GNG7: variants seen among roughly 807,000 people sequenced by gnomAD.
GNG7 encodes the protein guanine nucleotide-binding protein G(I)/G(S)/G(O) subunit gamma-7.
A neutral mutation model predicts 4.0 loss-of-function variants in GNG7; 1 was observed. That is an observed-to-expected ratio of 0.25 (90% confidence interval 0.09 to 1.18). The LOEUF (loss-of-function observed/expected upper bound fraction) is 1.18, where lower values mean the gene tolerates loss of function less well. Ranked by LOEUF, GNG7 falls within the 50% of genes most tolerant of loss-of-function variation. GNG7 has a pLI of 0.50. For synonymous variants in GNG7, 34 were observed against 36.9 expected, an observed-to-expected ratio of 0.92 and a Z score of 0.29; for missense variants, 86 against 91.9, an observed-to-expected ratio of 0.94 and a Z score of 0.26.
intron 1 of GNG7, among the ~76,000 whole-genome samples, chr19:2,657,361 AATATATATATATATATATAT>A (rs869231931): frequency 6.1e-5 from 1 of 16,340 alleles, no homozygotes. Flanking sequence ...AAAAAAAAAA[AATATATATATATATATATAT>A]ATATATATAT....
At chr19:2,553,890 T>C (rs1446012613) in intron 3 of GNG7, among the ~76,000 whole-genome samples, 1 of 146,122 alleles carries the variant, frequency 6.8e-6, no homozygotes, top group Non-Finnish European at 1.5e-5. Context: ...GTACATATTC[T>C]ATGTAATATT....
At chr19:2,659,227 C>T (rs547301058) in intron 1 of GNG7, among the ~76,000 whole-genome samples, 19 of 151,748 alleles carry the variant, frequency 1.3e-4, no homozygotes, top group African/African-American at 4.1e-4. Context: ...CCTTGGCCTC[C>T]CAAAGTCCTG....
Position 2,512,939 on chromosome 19 carries a change from A to G in GNG7, c.*2083T>C, listed in dbSNP as rs909846968. 8.1e-6 allele frequency: 8 copies of G among 985,206 alleles called. No homozygotes were observed. Among genetic ancestry groups the G allele is most frequent in the Non-Finnish European group, 4.8e-6 (4 of 829,928 alleles). 61.0% of individuals were successfully genotyped at this position (985,206 alleles called of 1,614,324 possible). A position where few individuals can be genotyped will look rare whatever the true frequency, so the allele number is the denominator to read the frequency against. The stretch of plus-strand genomic sequence containing the variant: ...CCAAACCCTGCCGGCTCCCAGCCCA[A>G]CCACAGGAGGCTGCAGTCTCCGGGA... On this transcript the variant is annotated 3_prime_UTR_variant, in exon 5 of 5. Coordinates refer to ENST00000382159, the MANE Select transcript of GNG7 (RefSeq NM_052847.3). This position sits in a 1 kb window ranked among gnomAD's most constrained non-coding sequence, Gnocchi z 4.7.
chr19:2,583,847 G>A lies in GNG7; in HGVS notation c.-77-28659C>T, dbSNP rs186274242. Among the ~76,000 whole-genome samples the A allele has an allele frequency of 2.1e-4, 32 of 152,060 alleles. No homozygotes were observed. In the South Asian group the frequency reaches 3.1e-3, roughly 15 times the overall value. On this transcript the variant is annotated intron_variant, in intron 2 of 4. Transcript: ENST00000382159. ...CTTAACATTCACTAAAAAGGATGTC[G>A]CAAATCCATATTTGATAATGTGGAA...
chr19:2,587,309 C>T (rs115633724), intron 2 of GNG7, among the ~76,000 whole-genome samples: 3,186 of 152,268 alleles, frequency 0.021, 36 homozygotes, highest in Middle Eastern at 0.034. Context: ...CCTGTCCCTC[C>T]GACCTCACCT....
chr19:2,520,403 G>A (rs1046257482), intron 4 of GNG7, among the ~76,000 whole-genome samples: 21 of 152,292 alleles, frequency 1.4e-4, no homozygotes, highest in African/African-American at 4.6e-4. Flanking sequence ...ATTGCTGCAC[G>A]AAGGCAGGAG....
chr19:2,549,498 C>A (rs1979247507), intron 3 of GNG7, among the ~76,000 whole-genome samples: 1 of 152,068 alleles, frequency 6.6e-6, no homozygotes, highest in Admixed American at 6.6e-5. Context: ...ACTATCTTGG[C>A]CAGGCTGGTC....
chr19:2,595,158 C>T (rs1288373477), intron 2 of GNG7: 1 of 147,852 alleles, frequency 6.8e-6, no homozygotes, highest in Non-Finnish European at 1.5e-5. Context: ...GACGGAGTCT[C>T]ACTCTGTTGC....
intron 1 of GNG7, among the ~76,000 whole-genome samples, chr19:2,697,785 G>A (rs56052536): frequency 2.4e-4 from 33 of 139,956 alleles, no homozygotes; most frequent in Non-Finnish European, 4.2e-4. Flanking sequence ...TGAGGGCCCC[G>A]TCCCCCCCCC....
chr19:2,648,054 C>T (rs906633468), intron 1 of GNG7, among the ~76,000 whole-genome samples: 7 of 137,064 alleles, frequency 5.1e-5, no homozygotes, highest in Non-Finnish European at 1.1e-4. Flanking sequence ...AAAAAAGCCA[C>T]TTGGGATCCA....
intron 2 of GNG7, among the ~76,000 whole-genome samples, chr19:2,602,558 G>C (rs570983107): frequency 1.3e-5 from 2 of 152,386 alleles, no homozygotes; most frequent in East Asian, 3.8e-4. Flanking sequence ...AGGCAGATCT[G>C]TGGCCTCGCA....
intron 2 of GNG7, among the ~76,000 whole-genome samples, chr19:2,559,552 G>A (rs1979672346): frequency 6.6e-6 from 1 of 151,546 alleles, no homozygotes; most frequent in Non-Finnish European, 1.5e-5. Flanking sequence ...TTTGGCTCTT[G>A]TTGCCCAGGC....
rs1979587149 is a variant in GNG7 at position 2,557,254 on chromosome 19, C to CGTGCACACACAT, written c.-77-2078_-77-2067dup. Among the ~76,000 whole-genome samples the CGTGCACACACAT allele has an allele frequency of 6.6e-6, 1 of 151,074 alleles. No individual in the cohort carries two copies. Among genetic ancestry groups the CGTGCACACACAT allele is most frequent in the Non-Finnish European group, 1.5e-5 (1 of 67,912 alleles). On this transcript the variant is annotated intron_variant, in intron 2 of 4. Coordinates refer to ENST00000382159, the MANE Select transcript of GNG7 (RefSeq NM_052847.3). The surrounding 1 kb of genome is among the most constrained non-coding windows in gnomAD (Gnocchi z 5.1). ...ACACAGACGCACATGTGCACACACA[C>CGTGCACACACAT]GTGCACACACATTTGCACACACAGA... is the stretch of plus-strand genomic sequence containing the variant.
intron 3 of GNG7, among the ~76,000 whole-genome samples, chr19:2,539,090 A>T (rs1196977155): frequency 6.6e-6 from 1 of 152,138 alleles, no homozygotes; most frequent in Non-Finnish European, 1.5e-5. Flanking sequence ...TAAATAAATT[A>T]TAATAAACTG....
chr19:2,520,993 C>T (rs923277250), intron 3 of GNG7, among the ~76,000 whole-genome samples: 2 of 151,966 alleles, frequency 1.3e-5, no homozygotes, highest in Non-Finnish European at 2.9e-5. Context: ...TGGTGGCTCA[C>T]GCCTGTAATC....
At chr19:2,581,766 T>G (rs1980512252) in intron 2 of GNG7, among the ~76,000 whole-genome samples, 1 of 152,188 alleles carries the variant, frequency 6.6e-6, no homozygotes, top group Non-Finnish European at 1.5e-5. Flanking sequence ...AGGTGTAGGC[T>G]CTACTCAAGA....
intron 1 of GNG7, among the ~76,000 whole-genome samples, chr19:2,693,439 GA>G (rs1913179095): frequency 1.3e-5 from 2 of 149,400 alleles, no homozygotes; most frequent in East Asian, 2.0e-4. Flanking sequence ...AAGAAAGAAA[GA>G]AAAAAAGAAA....
intron 2 of GNG7, among the ~76,000 whole-genome samples, chr19:2,561,349 T>C (rs376057143): frequency 3.9e-5 from 6 of 152,190 alleles, no homozygotes; most frequent in Admixed American, 3.3e-4. Flanking sequence ...AGTGCCCAGG[T>C]TGGCCCAACC....
chr19:2,644,365 ATATATATATATATAT>A (rs1982605968), intron 2 of GNG7, among the ~76,000 whole-genome samples: 2 of 20,074 alleles, frequency 1.0e-4, no homozygotes, highest in African/African-American at 5.4e-4. Flanking sequence ...ATATATATAT[ATATATATATATATAT>A]AATGCTCTAT....
Sources: gnomAD v4.1 joint callset for allele counts (sites outside exome capture counted in the v4.1 genomes callset) on GRCh38, gnomAD v4.1.1 for gene constraint, Gnocchi (gnomAD v3.1) non-coding constraint, MANE v1.5 for transcripts, NCBI Gene and HGNC (gene_info 2026-07-23, HGNC 2026-07-21) for gene names.